The following GPC3 variants were observed in gnomAD, a reference collection of about 807,000 sequenced individuals.
The protein encoded by GPC3 is glypican 3.
Under a neutral mutation model 34.4 loss-of-function variants are expected in GPC3, and 3 were observed. The ratio of observed to expected loss-of-function variants is 0.09; its 90% CI spans 0.04 to 0.23. The LOEUF is 0.23. GPC3 is among the 10% of genes least tolerant of loss of function. GPC3 has a pLI of 1.00. For missense variants in GPC3, 351 were observed against 445.6 expected (o/e 0.79, Z 1.91); for synonymous variants, 177 against 174.0 (o/e 1.02, Z -0.13).
chrX:133,612,586 T>C (rs1477355890), intron 6 of GPC3, among the ~76,000 whole-genome samples: 1 of 111,632 alleles, frequency 9.0e-6, no homozygotes, highest in Non-Finnish European at 1.9e-5. Flanking sequence ...CCTTGAATGC[T>C]CAATGTCTGC....
At chrX:133,869,644 T>C (rs1395176740) in intron 2 of GPC3, among the ~76,000 whole-genome samples, 1 of 111,754 alleles carries the variant, frequency 8.9e-6, no homozygotes, top group Non-Finnish European at 1.9e-5. Context: ...CTTTTTTTAT[T>C]TTGCTTCTAA....
intron 7 of GPC3, 41 bp downstream of exon 7, chrX:133,596,399 A>AATT: frequency 8.7e-7 from 1 of 1,145,453 alleles, no homozygotes; most frequent in Non-Finnish European, 1.2e-6. Context: ...CCTGAGCATC[A>AATT]CCATTTTTAG....
At chrX:133,798,372 G>T (rs1244842679) in intron 2 of GPC3, among the ~76,000 whole-genome samples, 1 of 111,177 alleles carries the variant, frequency 9.0e-6, no homozygotes, top group Non-Finnish European at 1.9e-5. Context: ...TACTCAAAAT[G>T]TTCCCCTTAA....
intron 2 of GPC3, among the ~76,000 whole-genome samples, chrX:133,912,328 A>G (rs935299244): frequency 1.8e-5 from 2 of 112,148 alleles, no homozygotes; most frequent in African/African-American, 6.5e-5. Flanking sequence ...GGATTGAAGA[A>G]AGCACAGCTA....
intron 2 of GPC3, among the ~76,000 whole-genome samples, chrX:133,805,912 C>T (rs901132468): frequency 7.1e-5 from 8 of 112,073 alleles, no homozygotes; most frequent in Non-Finnish European, 1.3e-4. Flanking sequence ...TAACAAATAG[C>T]CATTTTCACT....
At chrX:133,911,013 G>A (rs779727520) in intron 2 of GPC3, among the ~76,000 whole-genome samples, 1 of 111,830 alleles carries the variant, frequency 8.9e-6, no homozygotes, top group South Asian at 3.8e-4. Flanking sequence ...CAATTGGTAT[G>A]TGCTAAATGT....
Position 133,622,371 on chromosome X carries a change from G to A in GPC3, c.1414-25772C>T, listed in dbSNP as rs773892011. 3.6e-5 allele frequency among the ~76,000 whole-genome samples: 4 copies of A among 112,028 alleles called. No homozygotes were observed. The East Asian group carries it at 1.1e-3, about 32-fold the overall frequency. Reference sequence around the variant, plus strand: ...AATAACAAACTTCTCTGAGCTAAAGGAGGATATTCAAGCCCATCGCAAAGA... The same window carrying A: ...AATAACAAACTTCTCTGAGCTAAAGAAGGATATTCAAGCCCATCGCAAAGA... On this transcript the variant is annotated intron_variant, in intron 6 of 7. Transcript: ENST00000370818.
chrX:133,747,958 G>T (rs1307104272), intron 3 of GPC3, among the ~76,000 whole-genome samples: 1 of 112,199 alleles, frequency 8.9e-6, no homozygotes, highest in African/African-American at 3.2e-5. Flanking sequence ...TCTGAGAAAT[G>T]CTGAGATGAA....
intron 6 of GPC3, among the ~76,000 whole-genome samples, chrX:133,623,250 A>G (rs2070253940): frequency 8.9e-6 from 1 of 112,204 alleles, no homozygotes; most frequent in South Asian, 3.7e-4. Flanking sequence ...CAACTGCATC[A>G]ACTAACGAGC....
chrX:133,812,511 C>G (rs2075670652), intron 2 of GPC3, among the ~76,000 whole-genome samples: 2 of 111,764 alleles, frequency 1.8e-5, no homozygotes, highest in African/African-American at 6.5e-5. Flanking sequence ...TCCAGATCTT[C>G]CTGGCTTCAC....
At chrX:133,933,623 C>T (rs1175387443) in intron 2 of GPC3, among the ~76,000 whole-genome samples, 2 of 110,434 alleles carry the variant, frequency 1.8e-5, no homozygotes, top group East Asian at 5.7e-4. Context: ...TCCCTCATGG[C>T]TTGGTGCTGT....
chrX:133,910,704 A>G lies in GPC3; in HGVS notation c.337+42346T>C, dbSNP rs184866370. ...AAGCACAAAGAAGGCACTTACAACC[A>G]TCTGTCAATTGCATTGACTACCAAT... On this transcript the variant is annotated intron_variant, in intron 2 of 7. Transcript: ENST00000370818. 3.3e-4 allele frequency among the ~76,000 whole-genome samples: 37 copies of G among 112,314 alleles called. 1 individual carries two copies. Among genetic ancestry groups the G allele is most frequent in the Admixed American group, 2.8e-3 (30 of 10,581 alleles).
intron 7 of GPC3, among the ~76,000 whole-genome samples, chrX:133,545,231 G>T (rs2069373654): frequency 8.9e-6 from 1 of 111,849 alleles, no homozygotes; most frequent in East Asian, 2.8e-4. Flanking sequence ...CTTTAAAGAG[G>T]GGTGGGTTAA....
chrX:133,845,313 G>C (rs1418932262), intron 2 of GPC3, among the ~76,000 whole-genome samples: 2 of 111,920 alleles, frequency 1.8e-5, no homozygotes, highest in Non-Finnish European at 3.8e-5. Flanking sequence ...ATGAGAATTA[G>C]GCTTGAGGTA....
At chrX:133,669,462 T>C (rs2070805654) in intron 5 of GPC3, among the ~76,000 whole-genome samples, 1 of 112,009 alleles carries the variant, frequency 8.9e-6, no homozygotes, top group Non-Finnish European at 1.9e-5. Context: ...CATTAATTCA[T>C]TAATTCAGCA....
At chrX:133,841,112 T>G (rs757004854) in intron 2 of GPC3, among the ~76,000 whole-genome samples, 180 of 108,638 alleles carry the variant, frequency 1.7e-3, no homozygotes, top group African/African-American at 5.8e-3. Context: ...TGGAGTGCAG[T>G]GGCTCACTGC....
chrX:133,718,851 C>T (rs1313255610), intron 3 of GPC3, among the ~76,000 whole-genome samples: 1 of 110,865 alleles, frequency 9.0e-6, no homozygotes, highest in Non-Finnish European at 1.9e-5. Context: ...TTACTAGGGA[C>T]AAAGAAAGAC....
chrX:133,561,855 TA>T (rs1388554325), intron 7 of GPC3, among the ~76,000 whole-genome samples: 1 of 112,361 alleles, frequency 8.9e-6, no homozygotes, highest in Non-Finnish European at 1.9e-5. Flanking sequence ...ATCAGTTCTG[TA>T]GTTTTAGTTG....
intron 7 of GPC3, among the ~76,000 whole-genome samples, chrX:133,541,091 C>G (rs2069337882): frequency 9.0e-6 from 1 of 110,504 alleles, no homozygotes; most frequent in Admixed American, 9.7e-5. Context: ...TTGAAGTAAA[C>G]AAACAACACA....
Sources: allele counts gnomAD v4.1 joint callset (sites outside exome capture counted in the v4.1 genomes callset), GRCh38; gene constraint gnomAD v4.1.1; transcripts MANE v1.5; gene names NCBI Gene and HGNC (gene_info 2026-07-23, HGNC 2026-07-21).